Variants in MSN observed in about 807,000 individuals in gnomAD.
The protein encoded by MSN is epididymis luminal protein 70.
In MSN, 2 loss-of-function variants were observed where a neutral mutation model predicts 48.0. The observed-to-expected ratio is 0.04, with a 90% CI of 0.02 to 0.13. MSN has a LOEUF of 0.13. Among genes scored for constraint, MSN ranks in the 10% least tolerant of loss-of-function variants. The pLI, the probability that MSN is intolerant of heterozygous loss-of-function variation, is 1.00. For synonymous variants in MSN, 146 were observed against 166.9 expected, an observed-to-expected ratio of 0.87 and a Z score of 0.97; for missense variants, 267 against 470.1, an observed-to-expected ratio of 0.57 and a Z score of 3.99.
chrX:65,599,833 G>T (rs1355849127), intron 1 of MSN, among the ~76,000 whole-genome samples: 1 of 110,966 alleles, frequency 9.0e-6, no homozygotes, highest in East Asian at 2.8e-4. Context: ...ACAGGTGTCT[G>T]GGTTGGCTTG....
rs747717262 is a variant in MSN, at chrX:65,735,307, G to A, written c.836G>A (p.Arg279Gln). The A allele has an allele frequency of 1.7e-5, 20 of 1,210,783 alleles. No individual in the cohort carries two copies. The highest frequency in any genetic ancestry group is 6.5e-5 in the Admixed American group (3 of 46,045). The change falls in exon 8 of 13, where the codon CGG becomes CAG. Residue 279 changes from arginine (R) to glutamine (Q), a missense_variant. By Grantham distance (43) the Arg-to-Gln change is conservative (BLOSUM62 1). This residue lies in a region of MSN where 58 missense variants were observed against 104.6 expected (regional missense o/e 0.55). Coordinates refer to ENST00000360270, the MANE Select transcript of MSN (RefSeq NM_002444.3). The stretch of plus-strand genomic sequence containing the variant: ...GCTCCCCGGCTGCGGATTAACAAGC[G>A]GATCTTGGCCTTGTGCATGGGGAAC... ...FYAPRLRINK[R>Q]ILALCMGNHE...
chrX:65,738,888 C>G, intron 11 of MSN, 82 bp from the exon 12 acceptor site: 1 of 1,034,507 alleles, frequency 9.7e-7, no homozygotes, highest in East Asian at 3.1e-5. Context: ...CTGCCTCTTG[C>G]CAGACCGTTC....
chrX:65,651,567 A>C (rs886554777), intron 1 of MSN, among the ~76,000 whole-genome samples: 2 of 74,894 alleles, frequency 2.7e-5, no homozygotes, highest in Admixed American at 2.9e-4. Flanking sequence ...AATATTTATT[A>C]TTATTATTAT....
At chrX:65,630,030 T>C (rs906113117) in intron 1 of MSN, among the ~76,000 whole-genome samples, 52 of 110,444 alleles carry the variant, frequency 4.7e-4, no homozygotes, top group African/African-American at 1.6e-3. Flanking sequence ...AATACAAAAA[T>C]TCGCTGGGTG....
intron 1 of MSN, among the ~76,000 whole-genome samples, chrX:65,678,148 C>T (rs1346945074): frequency 1.8e-5 from 2 of 111,734 alleles, no homozygotes; most frequent in Non-Finnish European, 3.8e-5. Flanking sequence ...CCTTATTTGG[C>T]TATTTTCTCC....
At chrX:65,613,728 T>C (rs2070341656) in intron 1 of MSN, among the ~76,000 whole-genome samples, 1 of 112,442 alleles carries the variant, frequency 8.9e-6, no homozygotes, top group East Asian at 2.8e-4. Flanking sequence ...TGTTTGATTT[T>C]TCTTATAAAT....
intron 1 of MSN, among the ~76,000 whole-genome samples, chrX:65,599,491 G>A: frequency 9.0e-6 from 1 of 111,207 alleles, no homozygotes; most frequent in East Asian, 2.8e-4. Flanking sequence ...AAATTAGCTG[G>A]GCGTAGTGGC....
rs571835485 is a variant in MSN, at chrX:65,740,620, G to A, written c.*727G>A. ...TTGGCCATTCTATTGTGGCAAGGCT[G>A]AGTAGAAGATCCTACCCCAATTCCT... is the stretch of plus-strand genomic sequence containing the variant. On this transcript the variant is annotated 3_prime_UTR_variant, in exon 13 of 13. Coordinates refer to ENST00000360270, the MANE Select transcript of MSN (RefSeq NM_002444.3). 1.7e-5 allele frequency: 3 copies of A among 172,043 alleles called. No individual in the cohort carries two copies. The highest frequency in any genetic ancestry group is 1.6e-4 in the Admixed American group (2 of 12,588). The allele number at this position is 172,043 out of a possible 1,213,427, so 14.2% of individuals were successfully genotyped here. A position where few individuals can be genotyped will look rare whatever the true frequency, so the allele number is the denominator to read the frequency against.
chrX:65,689,575 C>T (rs756477877), intron 1 of MSN, among the ~76,000 whole-genome samples: 1 of 111,436 alleles, frequency 9.0e-6, no homozygotes, highest in East Asian at 2.8e-4. Flanking sequence ...TTCCTGGTCA[C>T]AAGCAGTTGG....
chrX:65,716,527 C>T (rs1234174516), intron 1 of MSN: 11 of 358,023 alleles, frequency 3.1e-5, no homozygotes, highest in East Asian at 1.4e-4. Context: ...CCACCCACCT[C>T]GGCCTCCCAA....
At chrX:65,700,066 G>A (rs1416460919) in intron 1 of MSN, among the ~76,000 whole-genome samples, 1 of 111,955 alleles carries the variant, frequency 8.9e-6, no homozygotes, top group Non-Finnish European at 1.9e-5. Context: ...TAGGATTATT[G>A]TTGTATACAA....
intron 1 of MSN, among the ~76,000 whole-genome samples, chrX:65,689,279 T>C (rs759340250): frequency 9.0e-6 from 1 of 111,597 alleles, no homozygotes; most frequent in African/African-American, 3.3e-5. Flanking sequence ...TGCCCTCCCA[T>C]GGGTACGGGA....
intron 1 of MSN, among the ~76,000 whole-genome samples, chrX:65,676,911 A>G (rs1403778349): frequency 2.7e-5 from 3 of 109,293 alleles, no homozygotes; most frequent in African/African-American, 1.0e-4. Flanking sequence ...TGCAACCTCC[A>G]TCTCCTGGGT....
At chrX:65,722,404 CGTGTGTGTGTGT>C (rs55900091) in intron 2 of MSN, among the ~76,000 whole-genome samples, 10 of 94,693 alleles carry the variant, frequency 1.1e-4, no homozygotes, top group Admixed American at 1.1e-4. Flanking sequence ...CGTGCACGCT[CGTGTGTGTGTGT>C]GTGTGTGTGT....
At position 65,641,861 on chromosome X, in the gene MSN, G is replaced by A. The variant is rs910639453; in HGVS notation, c.-22+53249G>A. Among the ~76,000 whole-genome samples the A allele has an allele frequency of 1.5e-4, 16 of 108,703 alleles. 1 individual carries two copies. Among genetic ancestry groups the A allele is most frequent in the African/African-American group, 3.0e-4 (9 of 29,999 alleles). The allele number at this position is 108,703 out of a possible 115,157, so 94.4% of individuals were successfully genotyped here. A position where few individuals can be genotyped will look rare whatever the true frequency, so the allele number is the denominator to read the frequency against. On this transcript the variant is annotated intron_variant, in intron 1 of 3. Transcript: ENST00000609672. Reference sequence around the variant, plus strand: ...GAAAACAACTCAGTGTTGGCCGGGCGCGGTGGCTCATGCCTGTAGTCCCAG... The same window carrying A: ...GAAAACAACTCAGTGTTGGCCGGGCACGGTGGCTCATGCCTGTAGTCCCAG...
chrX:65,647,462 C>T (rs751234691), intron 1 of MSN, among the ~76,000 whole-genome samples: 17 of 112,395 alleles, frequency 1.5e-4, no homozygotes, highest in African/African-American at 4.5e-4. Context: ...CCGCCCACCT[C>T]GGCTTCCCAA....
intron 1 of MSN, among the ~76,000 whole-genome samples, chrX:65,693,211 G>T (rs889555581): frequency 1.8e-5 from 2 of 111,678 alleles, no homozygotes; most frequent in African/African-American, 3.3e-5. Context: ...TATACATGGG[G>T]TCTGTGGTCA....
At chrX:65,658,958 C>T (rs536965276) in intron 1 of MSN, among the ~76,000 whole-genome samples, 1 of 108,297 alleles carries the variant, frequency 9.2e-6, no homozygotes, top group Non-Finnish European at 1.9e-5. Context: ...GATTCTCCTG[C>T]CTCAGCCTCC....
At chrX:65,734,647 A>G (rs1193054501) in intron 7 of MSN, among the ~76,000 whole-genome samples, 1 of 112,166 alleles carries the variant, frequency 8.9e-6, no homozygotes, top group Non-Finnish European at 1.9e-5. Flanking sequence ...GCTGTGCTCA[A>G]CTATTATCAG....
Sources: allele counts gnomAD v4.1 joint callset (sites outside exome capture counted in the v4.1 genomes callset), GRCh38; gene constraint gnomAD v4.1.1; regional missense constraint gnomAD v4.1.1; transcripts MANE v1.5; gene names NCBI Gene and HGNC (gene_info 2026-07-23, HGNC 2026-07-21).